The following BTBD1 variants were observed in gnomAD, a reference collection of about 807,000 sequenced individuals.
BTBD1 encodes BTB/POZ domain-containing protein 1.
A neutral mutation model predicts 48.0 loss-of-function variants in BTBD1; 34 were observed. The observed-to-expected ratio is 0.71, with a 90% CI of 0.54 to 0.94. The LOEUF (loss-of-function observed/expected upper bound fraction) is 0.94. Among genes scored for constraint, BTBD1 ranks in the 40% least tolerant of loss-of-function variants. The pLI, the probability that BTBD1 is intolerant of heterozygous loss-of-function variation, is 0.00. For missense variants in BTBD1, 543 were observed against 625.6 expected, an observed-to-expected ratio of 0.87 and a Z score of 1.41; for synonymous variants, 261 against 242.1, an observed-to-expected ratio of 1.08 and a Z score of -0.72.
rs541100695 is a variant in BTBD1 at position 83,060,794 on chromosome 15, A to AAAAAT, written c.402-4254_402-4250dup. 9.2e-5 allele frequency among the ~76,000 whole-genome samples: 14 copies of AAAAAT among 152,346 alleles called. No homozygotes were observed. The South Asian group carries it at 1.4e-3, about 16-fold the overall frequency. The stretch of plus-strand genomic sequence containing the variant: ...GGCGACAGAGTGAAACTCTATCTCA[A>AAAAAT]AAAATAAAATAAAATAAAATAAAGT... On this transcript the variant is annotated intron_variant, in intron 1 of 7. Coordinates refer to ENST00000261721, the MANE Select transcript of BTBD1 (RefSeq NM_025238.4).
In BTBD1 at chr15:83,040,226, AAAAGGGGAAAAGAGG is replaced by A. The variant is rs2032723994; in HGVS notation, c.862+1487_862+1501del. 2.6e-5 allele frequency among the ~76,000 whole-genome samples: 4 copies of A among 152,244 alleles called. No homozygotes were observed. In the South Asian group the frequency reaches 8.3e-4, roughly 32 times the overall value. On this transcript the variant is annotated intron_variant, in intron 4 of 7. Coordinates refer to ENST00000261721, the MANE Select transcript of BTBD1 (RefSeq NM_025238.4). ...AAACAATAAGCACTGAGGACTGTTA[AAAAGGGGAAAAGAGG>A]AAGGGACAGAAGGGGGAAAAGAGTT... is the stretch of plus-strand genomic sequence containing the variant.
chr15:83,044,350 CGCCCGCCCGT>C, intron 3 of BTBD1: 1 of 1,439,730 alleles, frequency 6.9e-7, no homozygotes, highest in Non-Finnish European at 9.5e-7. Flanking sequence ...TCTGCATGCC[CGCCCGCCCGT>C]GCCCACCATG....
At chr15:83,036,243 A>G (rs2032628534) in intron 4 of BTBD1, among the ~76,000 whole-genome samples, 1 of 152,148 alleles carries the variant, frequency 6.6e-6, no homozygotes, top group Admixed American at 6.5e-5. Context: ...AATTACATTA[A>G]GTGCAAGTGA....
intron 5 of BTBD1, among the ~76,000 whole-genome samples, chr15:83,027,749 T>A (rs997965810): frequency 2.6e-5 from 4 of 152,226 alleles, no homozygotes; most frequent in African/African-American, 9.6e-5. Flanking sequence ...ACCAACTATA[T>A]ATACTCTTTT....
intron 3 of BTBD1, among the ~76,000 whole-genome samples, chr15:83,042,348 TTA>T (rs61294242): frequency 0.13 from 14,568 of 109,772 alleles, 1,671 homozygotes; most frequent in East Asian, 0.44. Flanking sequence ...TTAGGCAATT[TTA>T]TATATATATA....
At chr15:83,042,304 ATATT>A (rs1165209870) in intron 3 of BTBD1, among the ~76,000 whole-genome samples, 1 of 147,420 alleles carries the variant, frequency 6.8e-6, no homozygotes, top group Non-Finnish European at 1.5e-5. Flanking sequence ...CATTCAGTAA[ATATT>A]TATTATTAAG....
At chr15:83,047,816 C>A (rs951457366) in intron 3 of BTBD1, among the ~76,000 whole-genome samples, 4 of 152,168 alleles carry the variant, frequency 2.6e-5, no homozygotes, top group African/African-American at 9.7e-5. Flanking sequence ...CTTACCACAG[C>A]CTGACAAATA....
At chr15:83,044,709 TTAG>T in intron 3 of BTBD1, 3 of 1,470,678 alleles carry the variant, frequency 2.0e-6, no homozygotes, top group Admixed American at 1.7e-5. Context: ...AGATGGGAAA[TTAG>T]TGGTGTACTG....
chr15:83,020,541 G>A, intron 6 of BTBD1, 134 bp downstream of exon 6: 2 of 628,724 alleles, frequency 3.2e-6, no homozygotes, highest in Non-Finnish European at 5.5e-6. Context: ...AACTCTTTAT[G>A]CTTACAATGC....
intron 1 of BTBD1, 46 bp from the exon 2 acceptor site, chr15:83,056,591 A>T (rs771721446): frequency 1.1e-5 from 16 of 1,505,522 alleles, no homozygotes; most frequent in Non-Finnish European, 1.5e-5. Flanking sequence ...GTAATGTTTT[A>T]GATAAGCAAT....
chr15:83,057,180 A>G (rs985508654), intron 1 of BTBD1, among the ~76,000 whole-genome samples: 1 of 152,210 alleles, frequency 6.6e-6, no homozygotes, highest in Non-Finnish European at 1.5e-5. Context: ...TTTTAATAAG[A>G]AAACCAAGGC....
At chr15:83,060,654 C>A (rs937300971) in intron 1 of BTBD1, among the ~76,000 whole-genome samples, 1 of 151,976 alleles carries the variant, frequency 6.6e-6, no homozygotes, top group Non-Finnish European at 1.5e-5. Context: ...ATTAGCCAGG[C>A]GTGGTGGCAC....
intron 2 of BTBD1, among the ~76,000 whole-genome samples, chr15:83,054,441 G>A (rs2151312160): frequency 6.6e-6 from 1 of 152,270 alleles, no homozygotes; most frequent in African/African-American, 2.4e-5. Context: ...ATAGCTTGGG[G>A]TCTGGCATAC....
intron 2 of BTBD1, among the ~76,000 whole-genome samples, chr15:83,054,167 C>T (rs928826089): frequency 3.9e-5 from 6 of 152,120 alleles, no homozygotes; most frequent in South Asian, 2.1e-4. Flanking sequence ...GGGGAAACCC[C>T]GTTCCTACCA....
chr15:83,047,101 G>A (rs716886), intron 3 of BTBD1, among the ~76,000 whole-genome samples: 45,140 of 152,072 alleles, frequency 0.3, 7,100 homozygotes, highest in Non-Finnish European at 0.33. Flanking sequence ...AGTTGTACAC[G>A]AGACAAAGTC....
At chr15:83,056,624 G>A in intron 1 of BTBD1, 79 bp from the exon 2 acceptor site, 1 of 1,244,796 alleles carries the variant, frequency 8.0e-7, no homozygotes. Context: ...AATTTCTGAG[G>A]AGTATTTACT....
chr15:83,056,878 G>C (rs1394421704), intron 1 of BTBD1, among the ~76,000 whole-genome samples: 1 of 151,624 alleles, frequency 6.6e-6, no homozygotes, highest in Non-Finnish European at 1.5e-5. Flanking sequence ...TTTATTTTTT[G>C]TAGAGACAGG....
At chr15:83,044,324 C>A in intron 3 of BTBD1, 1 of 1,127,398 alleles carries the variant, frequency 8.9e-7, no homozygotes, top group Non-Finnish European at 1.3e-6. Context: ...GCTGCCCACG[C>A]CGACGGCAAC....
chr15:83,048,851 T>C (rs1234994393), intron 3 of BTBD1, among the ~76,000 whole-genome samples: 1 of 152,158 alleles, frequency 6.6e-6, no homozygotes, highest in Non-Finnish European at 1.5e-5. Flanking sequence ...GAAAGATTAA[T>C]ACAGACAAGA....
Sources: allele counts gnomAD v4.1 joint callset (sites outside exome capture counted in the v4.1 genomes callset), GRCh38; gene constraint gnomAD v4.1.1; transcripts MANE v1.5; gene names NCBI Gene and HGNC (gene_info 2026-07-23, HGNC 2026-07-21).